The following TRPC5 variants were observed in gnomAD, a reference collection of about 807,000 sequenced individuals.
TRPC5 encodes short transient receptor potential channel 5.
In TRPC5, 9 loss-of-function variants were observed where a neutral mutation model predicts 56.5. The observed-to-expected ratio is 0.16, with a 90% confidence interval of 0.10 to 0.28. The LOEUF is 0.28. Ranked by LOEUF, TRPC5 falls within the 10% of genes least tolerant of loss-of-function variation. TRPC5 has a pLI of 1.00. For missense variants in TRPC5, 469 were observed against 748.9 expected (o/e 0.63, Z 4.36); for synonymous variants, 282 against 278.5 (o/e 1.01, Z -0.13).
rs565688690 is a variant in TRPC5, at chrX:112,081,305, C to T, written c.-22+574G>A. Among the ~76,000 whole-genome samples the T allele has an allele frequency of 4.7e-4, 52 of 111,573 alleles. No individual in the cohort carries two copies. In the South Asian group the frequency reaches 5.3e-3, roughly 11 times the overall value. On this transcript the variant is annotated intron_variant, in intron 1 of 10. Coordinates refer to ENST00000262839, the MANE Select transcript of TRPC5 (RefSeq NM_012471.3). ...TTTGAAGCAGAGATCTGACTGATGC[C>T]CCTCCATTTGCATTTCTTGGTTCCT...
At chrX:112,038,690 AT>A (rs1271784680) in intron 1 of TRPC5, among the ~76,000 whole-genome samples, 1 of 105,369 alleles carries the variant, frequency 9.5e-6, no homozygotes, top group East Asian at 3.0e-4. Flanking sequence ...TTTTATTTTT[AT>A]TTTTTTTTGA....
At chrX:111,882,745 G>A (rs1429870735) in intron 3 of TRPC5, among the ~76,000 whole-genome samples, 1 of 112,602 alleles carries the variant, frequency 8.9e-6, no homozygotes, top group African/African-American at 3.2e-5. Flanking sequence ...CAGTTAGGTG[G>A]AGACAGAGTC....
chrX:112,028,755 T>C (rs1463607307), intron 1 of TRPC5, among the ~76,000 whole-genome samples: 3 of 112,234 alleles, frequency 2.7e-5, no homozygotes, highest in South Asian at 3.7e-4. Flanking sequence ...TGTGTCTTTA[T>C]AGTACCATGA....
intron 1 of TRPC5, among the ~76,000 whole-genome samples, chrX:111,958,980 G>A (rs781246487): frequency 1.8e-5 from 2 of 112,292 alleles, no homozygotes; most frequent in East Asian, 5.6e-4. Context: ...TAAAATGAAG[G>A]CAAAAGTAAG....
At chrX:112,019,017 T>A (rs1382362196) in intron 1 of TRPC5, among the ~76,000 whole-genome samples, 1 of 112,571 alleles carries the variant, frequency 8.9e-6, no homozygotes, top group Non-Finnish European at 1.9e-5. Flanking sequence ...ACCAGCCAGA[T>A]AAAACTCTGC....
chrX:111,991,318 T>A (rs1928347703), intron 1 of TRPC5, among the ~76,000 whole-genome samples: 1 of 112,367 alleles, frequency 8.9e-6, no homozygotes, highest in African/African-American at 3.2e-5. Context: ...ACCACCTCAG[T>A]ACACAGTGAC....
chrX:111,892,482 A>G (rs892896414), intron 3 of TRPC5, among the ~76,000 whole-genome samples: 2 of 112,328 alleles, frequency 1.8e-5, no homozygotes, highest in African/African-American at 6.5e-5. Flanking sequence ...AGGCATAGCC[A>G]ATGTGTAGCC....
chrX:112,017,037 C>G (rs2148664646), intron 1 of TRPC5, among the ~76,000 whole-genome samples: 1 of 111,548 alleles, frequency 9.0e-6, no homozygotes, highest in East Asian at 2.8e-4. Context: ...TTTTTTGAGA[C>G]AGAGTCTTGC....
chrX:112,077,197 C>G (rs1930854816), intron 1 of TRPC5, among the ~76,000 whole-genome samples: 1 of 111,397 alleles, frequency 9.0e-6, no homozygotes. Flanking sequence ...GATTTGAACT[C>G]AGGTCTGTGT....
In TRPC5 at chrX:111,860,922, T is replaced by TA. The variant is rs1301652789; in HGVS notation, c.901-6817dup. ...TAAAGTTTGATTTTGAGAAGGCTGT[T>TA]AAATATGTTTAAAATTTAAAACCCT... On this transcript the variant is annotated intron_variant, in intron 3 of 10. Transcript: ENST00000262839. 7.1e-5 allele frequency among the ~76,000 whole-genome samples: 8 copies of TA among 112,101 alleles called. No homozygotes were observed. In the Admixed American group the frequency reaches 7.6e-4, roughly 11 times the overall value.
chrX:111,902,310 A>G (rs1456740790), intron 3 of TRPC5: 2 of 416,101 alleles, frequency 4.8e-6, no homozygotes, highest in Non-Finnish European at 7.7e-6. Context: ...TTCATTACTA[A>G]TAACCCATAT....
chrX:111,777,541 C>T (rs1945888550), intron 10 of TRPC5, among the ~76,000 whole-genome samples: 1 of 109,919 alleles, frequency 9.1e-6, no homozygotes, highest in African/African-American at 3.3e-5. Context: ...TGTTCATGTA[C>T]TTCCCCTTCT....
chrX:111,955,137 C>T (rs964900817), intron 1 of TRPC5, among the ~76,000 whole-genome samples: 5 of 112,041 alleles, frequency 4.5e-5, no homozygotes, highest in African/African-American at 1.6e-4. Flanking sequence ...ATAGTCAGTT[C>T]AAAGTCCAGT....
chrX:112,019,458 T>C (rs1228545214), intron 1 of TRPC5, among the ~76,000 whole-genome samples: 1 of 109,148 alleles, frequency 9.2e-6, no homozygotes, highest in African/African-American at 3.3e-5. Flanking sequence ...TTTTTTGGGA[T>C]GGAATCTCGC....
chrX:111,849,553 A>G lies in TRPC5; in HGVS notation c.1378-2117T>C, dbSNP rs569714424. ...ATAGTTTGCTGACCCCTGATCTAAC[A>G]CAGTCGTTTTAAACTGTGTTCCTTA... is the stretch of plus-strand genomic sequence containing the variant. On this transcript the variant is annotated intron_variant, in intron 5 of 10. Transcript: ENST00000262839. Among the ~76,000 whole-genome samples, 5 of 112,049 alleles carry G rather than the reference A, an allele frequency of 4.5e-5. No homozygotes were observed. In the South Asian group the frequency reaches 1.9e-3, roughly 42 times the overall value.
At chrX:112,049,569 A>G (rs920332122) in intron 1 of TRPC5, among the ~76,000 whole-genome samples, 1 of 108,399 alleles carries the variant, frequency 9.2e-6, no homozygotes, top group Non-Finnish European at 1.9e-5. Context: ...GGATCTCGCT[A>G]TGTTGCCCAG....
chrX:112,051,328 C>A (rs1301542283), intron 1 of TRPC5, among the ~76,000 whole-genome samples: 1 of 112,108 alleles, frequency 8.9e-6, no homozygotes, highest in Non-Finnish European at 1.9e-5. Flanking sequence ...ATTACCACAG[C>A]CCTTGGTCCA....
intron 3 of TRPC5, among the ~76,000 whole-genome samples, chrX:111,856,313 G>A (rs775487935): frequency 7.2e-4 from 79 of 110,067 alleles, no homozygotes; most frequent in African/African-American, 2.6e-3. Context: ...AGGCCAAGGC[G>A]GGGAGATTGC....
At chrX:112,014,355 T>C (rs1569529570) in intron 1 of TRPC5, among the ~76,000 whole-genome samples, 1 of 112,594 alleles carries the variant, frequency 8.9e-6, no homozygotes, top group Non-Finnish European at 1.9e-5. Flanking sequence ...TTTCATAGTA[T>C]TCTAGAATAA....
Sources: gnomAD v4.1 joint callset for allele counts (sites outside exome capture counted in the v4.1 genomes callset) on GRCh38, gnomAD v4.1.1 for gene constraint, MANE v1.5 for transcripts, NCBI Gene and HGNC (gene_info 2026-07-23, HGNC 2026-07-21) for gene names.